Variants in SEMA3E observed in about 807,000 individuals in gnomAD.
SEMA3E encodes semaphorin-3E.
Under a neutral mutation model 93.6 loss-of-function variants are expected in SEMA3E, and 49 were observed. The ratio of observed to expected loss-of-function variants is 0.52; its 90% confidence interval spans 0.42 to 0.66. The LOEUF is 0.66. SEMA3E is among the 30% of genes least tolerant of loss of function. The pLI, the probability that SEMA3E is intolerant of heterozygous loss-of-function variation, is 0.00. For synonymous variants in SEMA3E, 363 were observed against 330.7 expected, an observed-to-expected ratio of 1.10 and a Z score of -1.06; for missense variants, 906 against 964.8, an observed-to-expected ratio of 0.94 and a Z score of 0.81.
intron 1 of SEMA3E, among the ~76,000 whole-genome samples, chr7:83,522,723 T>C (rs1374213445): frequency 6.6e-6 from 1 of 152,060 alleles, no homozygotes; most frequent in African/African-American, 2.4e-5. Flanking sequence ...AAAATAGCAA[T>C]TGTTAAATGT....
intron 4 of SEMA3E, among the ~76,000 whole-genome samples, chr7:83,443,430 C>T (rs1406078335): frequency 6.6e-6 from 1 of 152,180 alleles, no homozygotes; most frequent in South Asian, 2.1e-4. Context: ...GCAAGACAGA[C>T]TAGATACTGC....
chr7:83,406,203 T>C lies in SEMA3E; in HGVS notation c.814-144A>G, dbSNP rs183064962. 33 of 696,192 alleles carry C rather than the reference T, an allele frequency of 4.7e-5. No homozygotes were observed. In the African/African-American group the frequency reaches 5.3e-4, roughly 11 times the overall value. 43.1% of individuals were successfully genotyped at this position (696,192 alleles called of 1,614,324 possible). A position where few individuals can be genotyped will look rare whatever the true frequency, so the allele number is the denominator to read the frequency against. ...TTGGCATAATTCTCAAGTAATGTCATAGGTGCAACTCCCCATAATTTGGAT... is the reference window on the plus strand; with the variant it reads ...TTGGCATAATTCTCAAGTAATGTCACAGGTGCAACTCCCCATAATTTGGAT... On this transcript the variant is annotated intron_variant, in intron 7 of 16. Transcript: ENST00000643230.
intron 1 of SEMA3E, among the ~76,000 whole-genome samples, chr7:83,572,309 T>G (rs1305529439): frequency 6.6e-6 from 1 of 152,142 alleles, no homozygotes; most frequent in African/African-American, 2.4e-5. Flanking sequence ...GGCATCACAT[T>G]ACCAGACTTC....
At chr7:83,645,309 A>G (rs565531076) in intron 1 of SEMA3E, among the ~76,000 whole-genome samples, 1 of 152,088 alleles carries the variant, frequency 6.6e-6, no homozygotes, top group East Asian at 1.9e-4. Context: ...TCTCACCAAT[A>G]TTACCCTATT....
At chr7:83,371,680 A>G (rs1794750780) in intron 16 of SEMA3E, 1 of 152,056 alleles carries the variant, frequency 6.6e-6, no homozygotes, top group African/African-American at 2.4e-5. Flanking sequence ...CATTACCAGA[A>G]TCAACCCCTC....
At chr7:83,372,840 T>A (rs1255411990) in intron 16 of SEMA3E, 1 of 152,154 alleles carries the variant, frequency 6.6e-6, no homozygotes, top group African/African-American at 2.4e-5. Context: ...TTACATGGAC[T>A]ATAAATACCC....
intron 1 of SEMA3E, among the ~76,000 whole-genome samples, chr7:83,491,551 G>C (rs1298856657): frequency 6.6e-6 from 1 of 151,948 alleles, no homozygotes; most frequent in African/African-American, 2.4e-5. Context: ...TTAGCTTTGA[G>C]ATATTGAGTC....
At chr7:83,460,280 TCTTA>T (rs1207717328) in intron 4 of SEMA3E, among the ~76,000 whole-genome samples, 1 of 152,060 alleles carries the variant, frequency 6.6e-6, no homozygotes, top group Non-Finnish European at 1.5e-5. Context: ...AGCAGCCTCT[TCTTA>T]CTCTCTTCTC....
At chr7:83,464,236 ACTT>A (rs1209517978) in intron 4 of SEMA3E, among the ~76,000 whole-genome samples, 17 of 151,770 alleles carry the variant, frequency 1.1e-4, no homozygotes, top group Non-Finnish European at 2.4e-4. Flanking sequence ...ACTGGACAAT[ACTT>A]TTACCACTTT....
intron 1 of SEMA3E, among the ~76,000 whole-genome samples, chr7:83,584,859 T>C (rs1792588435): frequency 1.3e-5 from 2 of 152,096 alleles, no homozygotes. Context: ...CTCCAATCTA[T>C]TCTTCCTAGA....
intron 16 of SEMA3E, among the ~76,000 whole-genome samples, chr7:83,380,446 C>T (rs570138156): frequency 6.6e-6 from 1 of 152,006 alleles, no homozygotes; most frequent in South Asian, 2.1e-4. Flanking sequence ...ATTCCTTGAT[C>T]TGTCTACTCA....
In SEMA3E at chr7:83,465,059, G is replaced by A. The variant is rs543648340; in HGVS notation, c.456+1423C>T. On this transcript the variant is annotated intron_variant, in intron 4 of 16. Transcript: ENST00000643230. ...TATGCCCTGCCCCACCTTAACTGAT[G>A]ACATTCCGCCACAAAAGAAGTGTAA... 9.5e-4 allele frequency among the ~76,000 whole-genome samples: 144 copies of A among 151,898 alleles called. 1 individual carries two copies. Among genetic ancestry groups the A allele is most frequent in the Non-Finnish European group, 1.4e-3 (98 of 67,982 alleles).
intron 1 of SEMA3E, among the ~76,000 whole-genome samples, chr7:83,632,984 A>T (rs1793815983): frequency 6.6e-6 from 1 of 152,168 alleles, no homozygotes; most frequent in Non-Finnish European, 1.5e-5. Context: ...TACCCTCAAT[A>T]AAATTATCCA....
chr7:83,412,761 TAA>T (rs35717519), intron 5 of SEMA3E, among the ~76,000 whole-genome samples: 13,908 of 143,400 alleles, frequency 0.097, 785 homozygotes, highest in East Asian at 0.15. Flanking sequence ...TAAAAAAAGA[TAA>T]AAAAAAAAAA....
chr7:83,374,142 G>T (rs1475262948), intron 16 of SEMA3E, among the ~76,000 whole-genome samples: 2 of 147,606 alleles, frequency 1.4e-5, no homozygotes, highest in African/African-American at 5.1e-5. Flanking sequence ...GGAGGCAGAG[G>T]TTGCGATAAG....
intron 1 of SEMA3E, among the ~76,000 whole-genome samples, chr7:83,518,863 G>C (rs1790986970): frequency 6.6e-6 from 1 of 151,996 alleles, no homozygotes; most frequent in African/African-American, 2.4e-5. Flanking sequence ...CAGAGGGTCT[G>C]TTTCCCCACT....
chr7:83,417,004 CACACACACACAGGG>C (rs1167491297), intron 5 of SEMA3E, among the ~76,000 whole-genome samples: 2 of 66,206 alleles, frequency 3.0e-5, no homozygotes, highest in Non-Finnish European at 9.0e-5. Flanking sequence ...CACACACACA[CACACACACACAGGG>C]AGAGAGAGAG....
intron 1 of SEMA3E, among the ~76,000 whole-genome samples, chr7:83,638,582 A>G (rs1199313879): frequency 2.0e-5 from 3 of 152,210 alleles, no homozygotes; most frequent in African/African-American, 7.2e-5. Flanking sequence ...TAATACAAAA[A>G]TATGCAGATA....
In SEMA3E at chr7:83,433,933, AAATTT is replaced by A. The variant is rs1326183212; in HGVS notation, c.457-15455_457-15451del. On this transcript the variant is annotated intron_variant, in intron 4 of 16. Transcript: ENST00000643230. ...AACCTCATTATTTTGGGAAAGAATAAAATTTAATTTAAGAACATTTCATAGATTTT... is the reference window on the plus strand; with the variant it reads ...AACCTCATTATTTTGGGAAAGAATAAAATTTAAGAACATTTCATAGATTTT... Among the ~76,000 whole-genome samples the A allele has an allele frequency of 2.2e-4, 33 of 152,236 alleles. 1 individual carries two copies. The highest frequency in any genetic ancestry group is 1.4e-3 in the Admixed American group (21 of 15,302).
Sources: gnomAD v4.1 joint callset for allele counts (sites outside exome capture counted in the v4.1 genomes callset) on GRCh38, gnomAD v4.1.1 for gene constraint, MANE v1.5 for transcripts, NCBI Gene and HGNC (gene_info 2026-07-23, HGNC 2026-07-21) for gene names.